The following C1orf94 variants were observed in gnomAD, a reference collection of about 807,000 sequenced individuals.
The protein encoded by C1orf94 is uncharacterized protein C1orf94.
Under a neutral mutation model 53.6 loss-of-function variants are expected in C1orf94, and 45 were observed. The observed-to-expected ratio is 0.84, with a 90% CI of 0.66 to 1.08. The LOEUF is 1.08. Among genes scored for constraint, C1orf94 ranks in the 50% least tolerant of loss-of-function variants. The pLI is 0.00. For missense variants in C1orf94, 762 were observed against 738.9 expected (o/e 1.03, Z -0.36); for synonymous variants, 304 against 296.1 (o/e 1.03, Z -0.27).
At chr1:34,173,815 T>C (rs1183886836), upstream of C1orf94, among the ~76,000 whole-genome samples, 1 of 152,228 alleles carries the variant, frequency 6.6e-6, no homozygotes, top group African/African-American at 2.4e-5. Context: ...GATTAAATGG[T>C]GTCCATGACC....
intron 1 of C1orf94, among the ~76,000 whole-genome samples, chr1:34,194,299 A>T (rs977155091): frequency 6.6e-6 from 1 of 152,186 alleles, no homozygotes; most frequent in South Asian, 2.1e-4. Flanking sequence ...ACCTTGACAG[A>T]TGAGGAATAC....
chr1:34,170,991 TC>T (rs1370077159), intron 1 of C1orf94, among the ~76,000 whole-genome samples: 15 of 152,288 alleles, frequency 9.8e-5, no homozygotes, highest in Admixed American at 6.5e-4. Flanking sequence ...CCATCTCTGC[TC>T]TTGCCCTATT....
In C1orf94 at chr1:34,182,876, C is replaced by T. The variant is rs544148434; in HGVS notation, c.320+4767C>T. Among the ~76,000 whole-genome samples the T allele has an allele frequency of 1.5e-3, 231 of 152,176 alleles. 1 individual carries two copies. The highest frequency in any genetic ancestry group is 4.8e-3 in the South Asian group (23 of 4,816). On this transcript the variant is annotated intron_variant, in intron 1 of 6. Coordinates refer to ENST00000488417, the MANE Select transcript of C1orf94 (RefSeq NM_001134734.2). ...GCTGAGAGCTGGGAGGATGTCTTTC[C>T]GGCAAAAGGGTGTAGAGAAGCTTTC... is the stretch of plus-strand genomic sequence containing the variant.
chr1:34,197,558 CA>C lies in C1orf94; in HGVS notation c.655del (p.Ser219AlafsTer11). 1 of 1,614,158 alleles carries C rather than the reference CA, an allele frequency of 6.2e-7. No homozygotes were observed. Among genetic ancestry groups the C allele is most frequent in the Admixed American group, 1.7e-5 (1 of 60,024 alleles). ...DILCAAEVKSSKGTEDRGRIL... is the reference protein window; with the variant it reads ...DILCAAEVKSXKGTEDRGRIL... ...TTCTGTGTGCCGCCGAGGTCAAGAG[CA>C]GCAAGGGGACAGAGGACAGGGGCCG... On this transcript the variant is annotated frameshift_variant, in exon 2 of 7. Coordinates refer to ENST00000488417, the MANE Select transcript of C1orf94 (RefSeq NM_001134734.2). LOFTEE classifies it high-confidence loss of function. This position sits in a 1 kb window ranked among gnomAD's most constrained non-coding sequence, Gnocchi z 4.1.
upstream of C1orf94, among the ~76,000 whole-genome samples, chr1:34,172,122 C>G (rs370564491): frequency 6.6e-6 from 1 of 152,148 alleles, no homozygotes; most frequent in Non-Finnish European, 1.5e-5. Context: ...GAAGGGTTTC[C>G]CATAAAGGGC....
chr1:34,210,588 T>G (rs1642872627), intron 5 of C1orf94, among the ~76,000 whole-genome samples: 3 of 151,866 alleles, frequency 2.0e-5, no homozygotes, highest in Non-Finnish European at 4.4e-5. Flanking sequence ...CTTTCTGGAG[T>G]TTTAACGACA....
At chr1:34,209,610 G>A (rs1642857759) in intron 5 of C1orf94, among the ~76,000 whole-genome samples, 1 of 152,154 alleles carries the variant, frequency 6.6e-6, no homozygotes, top group Non-Finnish European at 1.5e-5. Context: ...CACCCTCCGT[G>A]CAAACCGCAC....
chr1:34,174,937 G>C (rs547803728), upstream of C1orf94, among the ~76,000 whole-genome samples: 1 of 152,242 alleles, frequency 6.6e-6, no homozygotes, highest in Admixed American at 6.5e-5. Flanking sequence ...CAATATGGTA[G>C]CCACTAGCCA....
At chr1:34,209,607 C>T (rs950354862) in intron 5 of C1orf94, among the ~76,000 whole-genome samples, 4 of 152,178 alleles carry the variant, frequency 2.6e-5, no homozygotes, top group East Asian at 1.9e-4. Context: ...CCCCACCCTC[C>T]GTGCAAACCG....
chr1:34,203,002 G>A lies in C1orf94; in HGVS notation c.1446+743G>A, dbSNP rs72667786. 5.2e-3 allele frequency among the ~76,000 whole-genome samples: 790 copies of A among 152,264 alleles called. 1 individual carries two copies. Among genetic ancestry groups the A allele is most frequent in the Non-Finnish European group, 7.2e-3 (490 of 68,028 alleles). On this transcript the variant is annotated intron_variant, in intron 4 of 6. Coordinates refer to ENST00000488417, the MANE Select transcript of C1orf94 (RefSeq NM_001134734.2). ...GTAATCTAGAGATTAAAGGATACAG[G>A]AGCATGCGCATAAGCTACATGCAAA...
chr1:34,182,172 G>A (rs1642319993), intron 1 of C1orf94, among the ~76,000 whole-genome samples: 2 of 152,198 alleles, frequency 1.3e-5, no homozygotes, highest in African/African-American at 4.8e-5. Flanking sequence ...TCCAGCCTGG[G>A]CGACAGAGTG....
At chr1:34,202,333 G>A in intron 4 of C1orf94, 74 bp downstream of exon 4, 8 of 1,515,436 alleles carry the variant, frequency 5.3e-6, no homozygotes, top group South Asian at 3.8e-5. Context: ...GGCTGGCAGG[G>A]GGTCTATTTC....
intron 2 of C1orf94, among the ~76,000 whole-genome samples, chr1:34,198,701 C>T (rs1050706484): frequency 1.3e-5 from 2 of 152,182 alleles, no homozygotes; most frequent in African/African-American, 4.8e-5. Flanking sequence ...TGAGAGACAC[C>T]CGTATTGGGA....
intron 1 of C1orf94, among the ~76,000 whole-genome samples, chr1:34,170,557 T>C (rs1642131088): frequency 6.6e-6 from 1 of 151,994 alleles, no homozygotes; most frequent in Non-Finnish European, 1.5e-5. Flanking sequence ...GACTCAACAG[T>C]CTCTCCATAA....
At chr1:34,170,804 C>T (rs1368360629) in intron 1 of C1orf94, among the ~76,000 whole-genome samples, 2 of 152,044 alleles carry the variant, frequency 1.3e-5, no homozygotes, top group African/African-American at 2.4e-5. Flanking sequence ...ACAGTTTCCA[C>T]ATCCACCCAG....
At chr1:34,172,129 G>C (rs117747739), upstream of C1orf94, among the ~76,000 whole-genome samples, 590 of 152,308 alleles carry the variant, frequency 3.9e-3, 12 homozygotes, top group East Asian at 0.046. Flanking sequence ...TTCCCATAAA[G>C]GGCCTCGCCA....
chr1:34,207,259 C>CGGGGG (rs887713792), intron 4 of C1orf94, among the ~76,000 whole-genome samples: 8 of 102,970 alleles, frequency 7.8e-5, no homozygotes, highest in African/African-American at 2.9e-4. Flanking sequence ...AGCAGTTCTG[C>CGGGGG]GGGGTGTGTG....
At chr1:34,200,621 G>A (rs1642688050) in intron 2 of C1orf94, 151 bp from the exon 3 acceptor site, 6 of 1,026,084 alleles carry the variant, frequency 5.8e-6, no homozygotes, top group Non-Finnish European at 8.6e-6. Flanking sequence ...GAGAGATTGG[G>A]ATTGTATTTG....
At chr1:34,199,315 G>A (rs952313199) in intron 2 of C1orf94, among the ~76,000 whole-genome samples, 1 of 152,154 alleles carries the variant, frequency 6.6e-6, no homozygotes, top group African/African-American at 2.4e-5. Context: ...CTGGGGAAAG[G>A]GCTATTATCA....
Sources: allele counts gnomAD v4.1 joint callset (sites outside exome capture counted in the v4.1 genomes callset), GRCh38; gene constraint gnomAD v4.1.1; non-coding constraint Gnocchi (gnomAD v3.1); transcripts MANE v1.5; gene names NCBI Gene and HGNC (gene_info 2026-07-23, HGNC 2026-07-21).